Variants in ERC1 observed in about 807,000 individuals in gnomAD.
The protein encoded by ERC1 is RAB6 interacting protein 2.
ERC1 carries 56 observed loss-of-function variants against 132.0 expected under a neutral mutation model. The observed-to-expected ratio is 0.42, with a 90% confidence interval of 0.34 to 0.53. The LOEUF is 0.53. Ranked by LOEUF, ERC1 falls within the 20% of genes least tolerant of loss-of-function variation. The probability of loss-of-function intolerance (pLI) is 0.03; values close to 1 mark genes in which losing one functional copy is unlikely to be tolerated. For synonymous variants in ERC1, 478 were observed against 476.1 expected, an observed-to-expected ratio of 1.00 and a Z score of -0.05; for missense variants, 1,202 against 1,349.9, an observed-to-expected ratio of 0.89 and a Z score of 1.72.
intron 2 of ERC1, among the ~76,000 whole-genome samples, chr12:1,056,071 CT>C (rs746163650): frequency 0.047 from 6,471 of 138,162 alleles, 392 homozygotes; most frequent in African/African-American, 0.14. Context: ...TTATTGTAGC[CT>C]TTTTTTTTTT....
Position 1,184,454 on chromosome 12 carries a change from G to GT in ERC1, c.2157+1034dup, listed in dbSNP as rs1954847195. 4.6e-5 allele frequency among the ~76,000 whole-genome samples: 7 copies of GT among 151,996 alleles called. 1 individual carries two copies. In the South Asian group the frequency reaches 1.2e-3, roughly 27 times the overall value. On this transcript the variant is annotated intron_variant, in intron 11 of 18. Coordinates refer to ENST00000360905, the MANE Select transcript of ERC1 (RefSeq NM_178040.4). ...AGATTTACATGAAGGACTATTTGGC[G>GT]TATTTTCTTCTTGGAAACTATTACT...
At chr12:1,180,278 TGTGTGCGCGCACGCGTGTGC>T (rs1410540238) in intron 8 of ERC1, among the ~76,000 whole-genome samples, 19 of 145,884 alleles carry the variant, frequency 1.3e-4, no homozygotes, top group East Asian at 1.2e-3. Context: ...TGTGTGTGTG[TGTGTGCGCGCACGCGTGTGC>T]GCGCGCGCAT....
intron 18 of ERC1, among the ~76,000 whole-genome samples, chr12:1,462,705 G>A (rs2093666447): frequency 6.6e-6 from 1 of 152,068 alleles, no homozygotes; most frequent in South Asian, 2.1e-4. Context: ...GAACCTTCTG[G>A]GGTAATGAAA....
chr12:1,385,809 A>C (rs907903605), intron 16 of ERC1: 2 of 152,088 alleles, frequency 1.3e-5, no homozygotes, highest in African/African-American at 4.8e-5. Flanking sequence ...GCACTGAAGT[A>C]ACTATTTCTC....
At chr12:1,037,319 C>T (rs1298956473) in intron 2 of ERC1, among the ~76,000 whole-genome samples, 1 of 152,170 alleles carries the variant, frequency 6.6e-6, no homozygotes, top group Non-Finnish European at 1.5e-5. Context: ...TGCTAATTTA[C>T]AGCAAATTTG....
intron 9 of ERC1, 55 bp downstream of exon 9, chr12:1,180,732 A>T: frequency 6.2e-7 from 1 of 1,602,988 alleles, no homozygotes; most frequent in African/African-American, 1.3e-5. Context: ...CATTAATCTA[A>T]GACTGGATAT....
intron 16 of ERC1, among the ~76,000 whole-genome samples, chr12:1,375,657 C>G (rs758426986): frequency 3.3e-5 from 5 of 150,974 alleles, no homozygotes; most frequent in Non-Finnish European, 7.4e-5. Flanking sequence ...TAGCCCTGTT[C>G]GTGGTCAGAA....
At chr12:1,333,767 A>T (rs1178051527) in intron 15 of ERC1, among the ~76,000 whole-genome samples, 2 of 152,156 alleles carry the variant, frequency 1.3e-5, no homozygotes, top group East Asian at 3.9e-4. Context: ...TATTATGTAC[A>T]CAATAATGGG....
At chr12:1,008,246 TGTG>T (rs891943976) in intron 1 of ERC1, among the ~76,000 whole-genome samples, 1 of 152,200 alleles carries the variant, frequency 6.6e-6, no homozygotes, top group African/African-American at 2.4e-5. Flanking sequence ...TATTGATGGT[TGTG>T]GTGGGACAAC....
chr12:1,301,592 A>C (rs1385262684), intron 15 of ERC1, among the ~76,000 whole-genome samples: 4 of 152,306 alleles, frequency 2.6e-5, no homozygotes, highest in African/African-American at 9.6e-5. Context: ...ACATGTTCTT[A>C]CAAGGGGAGC....
intron 2 of ERC1, among the ~76,000 whole-genome samples, chr12:1,035,738 C>T (rs571735192): frequency 1.4e-4 from 22 of 151,978 alleles, no homozygotes; most frequent in African/African-American, 4.1e-4. Flanking sequence ...CTGGCTAACA[C>T]GGTGAAACCC....
chr12:1,362,360 G>T (rs1008030699), intron 15 of ERC1, among the ~76,000 whole-genome samples: 5 of 152,058 alleles, frequency 3.3e-5, no homozygotes, highest in African/African-American at 7.2e-5. Context: ...CTGTCCATCC[G>T]ATCTTGGCAC....
Position 1,462,488 on chromosome 12 carries a change from A to T in ERC1, c.3213+17738A>T, listed in dbSNP as rs546086030. Among the ~76,000 whole-genome samples the T allele has an allele frequency of 3.3e-5, 5 of 152,340 alleles. No homozygotes were observed. In the South Asian group the frequency reaches 1.0e-3, roughly 32 times the overall value. ...GATCATATATCATTAATGGAATACT[A>T]CTCAGCAATAGAAAAGAATGAACTA... is the stretch of plus-strand genomic sequence containing the variant. On this transcript the variant is annotated intron_variant, in intron 18 of 18. Transcript: ENST00000360905.
chr12:1,337,764 G>A (rs138100432), intron 15 of ERC1, among the ~76,000 whole-genome samples: 8 of 152,276 alleles, frequency 5.3e-5, no homozygotes, highest in Non-Finnish European at 8.8e-5. Flanking sequence ...GCATTTGCTG[G>A]TGTGAAAAGG....
intron 4 of ERC1, among the ~76,000 whole-genome samples, chr12:1,109,059 C>G (rs1419554480): frequency 6.6e-6 from 1 of 152,140 alleles, no homozygotes; most frequent in African/African-American, 2.4e-5. Context: ...TTAATTTATG[C>G]TCTTTAAGGT....
chr12:1,493,285 G>C lies in ERC1; in HGVS notation c.*3055G>C, dbSNP rs2094332454. The C allele has an allele frequency of 5.5e-6, 1 of 183,038 alleles. No individual in the cohort carries two copies. The highest frequency in any genetic ancestry group is 2.0e-4 in the South Asian group (1 of 5,092). 11.3% of individuals were successfully genotyped at this position (183,038 alleles called of 1,614,324 possible). Reference sequence around the variant, plus strand: ...GGGCCGGCCACAGTGGCTCACGCCTGTAATCCCAGAACTCTGGAAGGCTGA... The same window carrying C: ...GGGCCGGCCACAGTGGCTCACGCCTCTAATCCCAGAACTCTGGAAGGCTGA... On this transcript the variant is annotated 3_prime_UTR_variant, in exon 19 of 19. Coordinates refer to ENST00000360905, the MANE Select transcript of ERC1 (RefSeq NM_178040.4).
chr12:1,305,508 C>T (rs79133745), intron 15 of ERC1, among the ~76,000 whole-genome samples: 3,840 of 152,260 alleles, frequency 0.025, 76 homozygotes, highest in South Asian at 0.08. Context: ...ACCGCTCCCT[C>T]GCCCCACCCC....
intron 12 of ERC1, among the ~76,000 whole-genome samples, chr12:1,201,694 T>C (rs1956929145): frequency 6.6e-6 from 1 of 152,218 alleles, no homozygotes; most frequent in Non-Finnish European, 1.5e-5. Context: ...CTGGTAAATA[T>C]TTTTCCTTAA....
intron 8 of ERC1, among the ~76,000 whole-genome samples, chr12:1,153,797 T>A (rs988836731): frequency 6.6e-6 from 1 of 152,200 alleles, no homozygotes; most frequent in Non-Finnish European, 1.5e-5. Context: ...ATGGTCGGAT[T>A]TTGGCCTACA....
Sources: allele counts gnomAD v4.1 joint callset (sites outside exome capture counted in the v4.1 genomes callset), GRCh38; gene constraint gnomAD v4.1.1; transcripts MANE v1.5; gene names NCBI Gene and HGNC (gene_info 2026-07-23, HGNC 2026-07-21).